SIPA1L1: variants seen among roughly 807,000 people sequenced by gnomAD.
SIPA1L1 encodes signal induced proliferation associated 1 like 1, also known as signal-induced proliferation-associated 1-like protein 1.
In SIPA1L1, 26 loss-of-function variants were observed where a neutral mutation model predicts 162.7. The observed-to-expected ratio is 0.16, with a 90% CI of 0.12 to 0.22. The LOEUF (loss-of-function observed/expected upper bound fraction) is 0.22. Among genes scored for constraint, SIPA1L1 ranks in the 10% least tolerant of loss-of-function variants. SIPA1L1 has a pLI of 1.00. For synonymous variants in SIPA1L1, 829 were observed against 837.4 expected (o/e 0.99, Z 0.17); for missense variants, 1,874 against 2,241.0 (o/e 0.84, Z 3.31).
At chr14:71,510,446 C>A (rs2051048740) in intron 2 of SIPA1L1, among the ~76,000 whole-genome samples, 1 of 152,072 alleles carries the variant, frequency 6.6e-6, no homozygotes, top group South Asian at 2.1e-4. Context: ...GGTCGGCCTC[C>A]CAAAATGCTG....
At chr14:71,664,662 TC>T (rs1470514476) in intron 10 of SIPA1L1, among the ~76,000 whole-genome samples, 1 of 152,234 alleles carries the variant, frequency 6.6e-6, no homozygotes, top group African/African-American at 2.4e-5. Flanking sequence ...ATTCATTCTT[TC>T]TATTTTTTGT....
At chr14:71,394,802 C>T (rs2041049756) in intron 2 of SIPA1L1, among the ~76,000 whole-genome samples, 1 of 152,316 alleles carries the variant, frequency 6.6e-6, no homozygotes, top group Admixed American at 6.5e-5. Context: ...CTGCTACTGA[C>T]TTCGCCTGAT....
chr14:71,332,562 T>C (rs2034670483), intron 2 of SIPA1L1, among the ~76,000 whole-genome samples: 1 of 152,192 alleles, frequency 6.6e-6, no homozygotes, highest in Non-Finnish European at 1.5e-5. Flanking sequence ...CAAAGGAAAC[T>C]GGCTGTAATG....
At chr14:71,525,891 C>T (rs932102762) in intron 3 of SIPA1L1, among the ~76,000 whole-genome samples, 2 of 152,188 alleles carry the variant, frequency 1.3e-5, no homozygotes, top group Non-Finnish European at 2.9e-5. Flanking sequence ...TTATTTCTAC[C>T]AGTCTCTTCA....
intron 2 of SIPA1L1, among the ~76,000 whole-genome samples, chr14:71,500,055 A>T (rs550225276): frequency 6.6e-6 from 1 of 152,326 alleles, no homozygotes; most frequent in South Asian, 2.1e-4. Flanking sequence ...TAGTTGAATT[A>T]GTCTAAACAT....
intron 19 of SIPA1L1, among the ~76,000 whole-genome samples, chr14:71,726,958 G>T (rs2084297207): frequency 6.6e-6 from 1 of 152,112 alleles, no homozygotes; most frequent in Admixed American, 6.5e-5. Context: ...GCTTTGGGCT[G>T]TGACACTCCA....
At chr14:71,360,549 G>A in intron 2 of SIPA1L1, among the ~76,000 whole-genome samples, 1 of 152,208 alleles carries the variant, frequency 6.6e-6, no homozygotes, top group East Asian at 1.9e-4. Context: ...TTACGAACTT[G>A]TTTTGAGGTC....
intron 3 of SIPA1L1, among the ~76,000 whole-genome samples, chr14:71,522,757 G>A (rs541488273): frequency 2.9e-4 from 44 of 150,310 alleles, no homozygotes; most frequent in Non-Finnish European, 5.5e-4. Flanking sequence ...GCAGTGGCAC[G>A]ATCTCGGCTC....
At chr14:71,436,139 A>G (rs1893845616) in intron 2 of SIPA1L1, among the ~76,000 whole-genome samples, 1 of 152,308 alleles carries the variant, frequency 6.6e-6, no homozygotes, top group Middle Eastern at 3.4e-3. Flanking sequence ...CTTTCTGTGA[A>G]TTGACTCTGC....
chr14:71,455,574 G>A (rs1245050676), intron 2 of SIPA1L1, among the ~76,000 whole-genome samples: 1 of 152,040 alleles, frequency 6.6e-6, no homozygotes, highest in African/African-American at 2.4e-5. Flanking sequence ...AGAAGTTTAA[G>A]TTAGCAATAA....
chr14:71,735,650 G>T (rs1438516709), intron 22 of SIPA1L1: 1 of 357,050 alleles, frequency 2.8e-6, no homozygotes, highest in Non-Finnish European at 5.1e-6. Context: ...TGCCCTCAGG[G>T]CCAGTTGGGG....
chr14:71,607,158 G>T (rs908748257), intron 5 of SIPA1L1, among the ~76,000 whole-genome samples: 1 of 151,690 alleles, frequency 6.6e-6, no homozygotes, highest in African/African-American at 2.4e-5. Context: ...AAGCTTCTCC[G>T]AGTTCCAGGG....
At chr14:71,567,491 A>G (rs1178903198) in intron 4 of SIPA1L1, among the ~76,000 whole-genome samples, 2 of 152,244 alleles carry the variant, frequency 1.3e-5, no homozygotes, top group South Asian at 2.1e-4. Flanking sequence ...GTTTATGTAG[A>G]AAGTAAAGGA....
At chr14:71,514,591 C>T (rs569091281) in intron 3 of SIPA1L1, among the ~76,000 whole-genome samples, 1 of 152,280 alleles carries the variant, frequency 6.6e-6, no homozygotes, top group African/African-American at 2.4e-5. Context: ...CTGTCCACCA[C>T]TTGATGGTTG....
chr14:71,413,268 A>C (rs2042535262), intron 2 of SIPA1L1, among the ~76,000 whole-genome samples: 1 of 152,170 alleles, frequency 6.6e-6, no homozygotes, highest in African/African-American at 2.4e-5. Flanking sequence ...TCCCATAGGC[A>C]TGTGATGGAC....
In SIPA1L1 at chr14:71,400,833, C is replaced by G. The variant is rs779948409; in HGVS notation, c.-465+79652C>G. ...TGGAAAAAGTTGAAGCTCTCCTTTTCTACCCTCCTGATTCTGTGCTTCTGT... is the reference window on the plus strand; with the variant it reads ...TGGAAAAAGTTGAAGCTCTCCTTTTGTACCCTCCTGATTCTGTGCTTCTGT... On this transcript the variant is annotated intron_variant, in intron 2 of 23. Coordinates refer to ENST00000381232, the MANE Select transcript of SIPA1L1 (RefSeq NM_001386936.1). 3 of 152,172 alleles carry G rather than the reference C, an allele frequency of 2.0e-5. No homozygotes were observed. The South Asian group carries it at 6.2e-4, about 31-fold the overall frequency. 9.4% of individuals were successfully genotyped at this position (152,172 alleles called of 1,614,324 possible).
intron 2 of SIPA1L1, among the ~76,000 whole-genome samples, chr14:71,498,448 G>GA (rs2049957412): frequency 6.6e-6 from 1 of 151,646 alleles, no homozygotes; most frequent in Admixed American, 6.6e-5. Context: ...AATCATGTTT[G>GA]AAAAAAAATA....
intron 17 of SIPA1L1, among the ~76,000 whole-genome samples, chr14:71,712,692 C>T (rs973342419): frequency 2.0e-5 from 3 of 152,288 alleles, no homozygotes; most frequent in African/African-American, 7.2e-5. Flanking sequence ...AGTCCAAAAT[C>T]CTCTAGACCT....
intron 2 of SIPA1L1, among the ~76,000 whole-genome samples, chr14:71,437,184 A>G (rs1217206308): frequency 6.6e-6 from 1 of 152,088 alleles, no homozygotes; most frequent in Non-Finnish European, 1.5e-5. Flanking sequence ...TAGCTCAAAT[A>G]TTTCTCATCT....
Sources: allele counts gnomAD v4.1 joint callset (sites outside exome capture counted in the v4.1 genomes callset), GRCh38; gene constraint gnomAD v4.1.1; transcripts MANE v1.5; gene names NCBI Gene and HGNC (gene_info 2026-07-23, HGNC 2026-07-21).